Variants in HTR1F observed in about 807,000 individuals in gnomAD.
The protein encoded by HTR1F is 5-hydroxytryptamine receptor 1F, also known as 5-hydroxytryptamine (serotonin) receptor 1F, G protein-coupled.
A neutral mutation model predicts 24.0 loss-of-function variants in HTR1F; 17 were observed. The observed-to-expected ratio is 0.71, with a 90% confidence interval of 0.48 to 1.06. HTR1F has a LOEUF of 1.06. Among genes scored for constraint, HTR1F ranks in the 50% least tolerant of loss-of-function variants. The probability of loss-of-function intolerance (pLI) is 0.00; values close to 1 mark genes in which losing one functional copy is unlikely to be tolerated. For missense variants in HTR1F, 391 were observed against 427.8 expected, an observed-to-expected ratio of 0.91 and a Z score of 0.76; for synonymous variants, 186 against 156.8, an observed-to-expected ratio of 1.19 and a Z score of -1.39.
intron 2 of HTR1F, among the ~76,000 whole-genome samples, chr3:87,955,977 T>C (rs1425499089): frequency 2.6e-5 from 4 of 151,488 alleles, no homozygotes; most frequent in Non-Finnish European, 5.9e-5. Flanking sequence ...TCTCAAGTCT[T>C]ATGGGTATTG....
intron 2 of HTR1F, among the ~76,000 whole-genome samples, chr3:87,955,085 AT>A (rs535445294): frequency 5.4e-4 from 82 of 151,586 alleles, no homozygotes; most frequent in East Asian, 4.3e-3. Context: ...AAGATAAATT[AT>A]ATCAATTTAA....
chr3:87,847,806 G>A lies in HTR1F; in HGVS notation c.-43+25682G>A, dbSNP rs147083089. ...GAAGGCAGGCAGTATTTGTCTTTCC[G>A]TGCTTAGGTTATTCCACTTACACAT... On this transcript the variant is annotated intron_variant, in intron 2 of 2. Coordinates refer to ENST00000319595, the MANE Select transcript of HTR1F (RefSeq NM_001322209.2). Among the ~76,000 whole-genome samples the A allele has an allele frequency of 3.9e-3, 593 of 151,884 alleles. 2 individuals are homozygous for A. Among genetic ancestry groups the A allele is most frequent in the Non-Finnish European group, 5.6e-3 (379 of 67,990 alleles).
chr3:87,805,274 G>T (rs1431160334), intron 1 of HTR1F, among the ~76,000 whole-genome samples: 1 of 151,722 alleles, frequency 6.6e-6, no homozygotes, highest in Non-Finnish European at 1.5e-5. Context: ...AGTGAGCATG[G>T]TCAATTTTGT....
chr3:87,824,128 A>G (rs1002342711), intron 2 of HTR1F, among the ~76,000 whole-genome samples: 9 of 152,092 alleles, frequency 5.9e-5, no homozygotes, highest in African/African-American at 2.2e-4. Flanking sequence ...TTACTTAGAT[A>G]TCAAAGAGCT....
At chr3:87,813,732 C>T (rs563156767) in intron 1 of HTR1F, among the ~76,000 whole-genome samples, 2 of 152,236 alleles carry the variant, frequency 1.3e-5, no homozygotes, top group East Asian at 3.9e-4. Context: ...TTATGGGGGT[C>T]ATTCCCCCAT....
chr3:87,903,578 C>T (rs1448398607), intron 2 of HTR1F, among the ~76,000 whole-genome samples: 2 of 150,602 alleles, frequency 1.3e-5, no homozygotes, highest in Non-Finnish European at 3.0e-5. Flanking sequence ...CAATGAGATA[C>T]CATCTCACAC....
At chr3:87,950,541 A>G (rs1704809979) in intron 2 of HTR1F, among the ~76,000 whole-genome samples, 1 of 150,896 alleles carries the variant, frequency 6.6e-6, no homozygotes, top group African/African-American at 2.5e-5. Flanking sequence ...CTTAGACCTC[A>G]ATAATGATAG....
At chr3:87,875,472 C>T (rs1218537063) in intron 2 of HTR1F, among the ~76,000 whole-genome samples, 2 of 151,266 alleles carry the variant, frequency 1.3e-5, no homozygotes, top group Non-Finnish European at 3.0e-5. Flanking sequence ...AAAAAACAAA[C>T]TTCTGCACAG....
chr3:87,806,815 TG>T (rs1704081089), intron 1 of HTR1F, among the ~76,000 whole-genome samples: 2 of 152,104 alleles, frequency 1.3e-5, no homozygotes, highest in East Asian at 3.8e-4. Flanking sequence ...AGTTGATTTT[TG>T]TTTATGGTGA....
At chr3:87,834,720 A>C (rs1470221921) in intron 2 of HTR1F, among the ~76,000 whole-genome samples, 2 of 152,210 alleles carry the variant, frequency 1.3e-5, no homozygotes, top group Non-Finnish European at 2.9e-5. Context: ...TGGTGCTAAG[A>C]AGGGTTTTTA....
intron 2 of HTR1F, among the ~76,000 whole-genome samples, chr3:87,983,266 T>A (rs1375500921): frequency 1.3e-5 from 2 of 151,964 alleles, no homozygotes; most frequent in African/African-American, 4.8e-5. Flanking sequence ...GGCAGTGATT[T>A]AAAAAAATAG....
intron 2 of HTR1F, among the ~76,000 whole-genome samples, chr3:87,891,791 T>A (rs1706092134): frequency 6.6e-6 from 1 of 152,218 alleles, no homozygotes; most frequent in Non-Finnish European, 1.5e-5. Flanking sequence ...AGTCATTATG[T>A]CTTGTATGTC....
At chr3:87,899,690 C>T (rs1232864211) in intron 2 of HTR1F, among the ~76,000 whole-genome samples, 1 of 152,044 alleles carries the variant, frequency 6.6e-6, no homozygotes, top group African/African-American at 2.4e-5. Context: ...TAGTGAAACC[C>T]CGTCCGTACT....
chr3:87,949,195 G>T (rs1383739399), intron 2 of HTR1F, among the ~76,000 whole-genome samples: 1 of 152,182 alleles, frequency 6.6e-6, no homozygotes, highest in Non-Finnish European at 1.5e-5. Flanking sequence ...GAAGTTAATT[G>T]TATTGCCAAG....
chr3:87,919,862 T>G (rs1431356326), intron 2 of HTR1F, among the ~76,000 whole-genome samples: 3 of 151,960 alleles, frequency 2.0e-5, no homozygotes, highest in Non-Finnish European at 4.4e-5. Flanking sequence ...GCAATCCCAC[T>G]ACTGGGTATC....
At chr3:87,804,240 T>C (rs1191686011) in intron 1 of HTR1F, among the ~76,000 whole-genome samples, 1 of 152,146 alleles carries the variant, frequency 6.6e-6, no homozygotes, top group Non-Finnish European at 1.5e-5. Flanking sequence ...ATTTTCTTCA[T>C]TGTTGAAAAG....
chr3:87,941,854 C>A (rs542110114), intron 2 of HTR1F, among the ~76,000 whole-genome samples: 1 of 152,188 alleles, frequency 6.6e-6, no homozygotes, highest in South Asian at 2.1e-4. Context: ...TGAGATCTTG[C>A]ACTAACCTCC....
At chr3:87,939,772 G>C (rs764712716) in intron 2 of HTR1F, among the ~76,000 whole-genome samples, 2 of 152,132 alleles carry the variant, frequency 1.3e-5, no homozygotes, top group South Asian at 4.1e-4. Context: ...TGATTAGTCT[G>C]CTAACAGTCT....
intron 2 of HTR1F, among the ~76,000 whole-genome samples, chr3:87,947,337 T>C (rs1484715410): frequency 6.6e-6 from 1 of 152,036 alleles, no homozygotes; most frequent in Non-Finnish European, 1.5e-5. Flanking sequence ...TAAGATGACA[T>C]GATTATATGT....
Sources: allele counts gnomAD v4.1 joint callset (sites outside exome capture counted in the v4.1 genomes callset), GRCh38; gene constraint gnomAD v4.1.1; transcripts MANE v1.5; gene names NCBI Gene and HGNC (gene_info 2026-07-23, HGNC 2026-07-21).